The following GADL1 variants were observed in gnomAD, a reference collection of about 807,000 sequenced individuals.
GADL1 encodes acidic amino acid decarboxylase GADL1.
GADL1 carries 71 observed loss-of-function variants against 69.5 expected under a neutral mutation model. The observed-to-expected ratio is 1.02, with a 90% confidence interval of 0.84 to 1.25. The LOEUF (loss-of-function observed/expected upper bound fraction) is 1.25. Ranked by LOEUF, GADL1 falls within the 50% of genes most tolerant of loss-of-function variation. The pLI, the probability that GADL1 is intolerant of heterozygous loss-of-function variation, is 0.00. For synonymous variants in GADL1, 254 were observed against 214.4 expected, an observed-to-expected ratio of 1.18 and a Z score of -1.62; for missense variants, 737 against 631.8, an observed-to-expected ratio of 1.17 and a Z score of -1.79.
At chr3:30,828,110 A>C (rs1190571375) in intron 11 of GADL1, among the ~76,000 whole-genome samples, 1 of 151,902 alleles carries the variant, frequency 6.6e-6, no homozygotes, top group Non-Finnish European at 1.5e-5. Flanking sequence ...CTATGAAGAA[A>C]AGCAAGAGCT....
rs543911772 is a variant in GADL1, at chr3:30,863,559, CTT to C, written c.38-1796_38-1795del. Reference sequence around the variant, plus strand: ...ACAAGCTTTGATTCAATCACATTCTCTTTTTCTAATCAGTATGTTTCTCCACC... The same window carrying C: ...ACAAGCTTTGATTCAATCACATTCTCTTTCTAATCAGTATGTTTCTCCACC... On this transcript the variant is annotated intron_variant, in intron 1 of 14. Coordinates refer to ENST00000282538, the MANE Select transcript of GADL1 (RefSeq NM_207359.3). 1.1e-4 allele frequency among the ~76,000 whole-genome samples: 17 copies of C among 152,082 alleles called. No homozygotes were observed. In the East Asian group the frequency reaches 3.3e-3, roughly 30 times the overall value.
rs537552134 is a variant in GADL1, at chr3:30,746,349, C to G, written c.1393-17934G>C. Among the ~76,000 whole-genome samples the G allele has an allele frequency of 1.2e-4, 19 of 152,262 alleles. No individual in the cohort carries two copies. In the South Asian group the frequency reaches 3.9e-3, roughly 32 times the overall value. The stretch of plus-strand genomic sequence containing the variant: ...CTTTAAGGTACCACTCACTGCAGAC[C>G]TACTGAGCCTCCAGTCTCTAAGAAG... On this transcript the variant is annotated intron_variant, in intron 14 of 14. Transcript: ENST00000282538.
chr3:30,861,828 G>T, intron 1 of GADL1, 63 bp from the exon 2 acceptor site: 3 of 1,021,838 alleles, frequency 2.9e-6, no homozygotes, highest in Non-Finnish European at 2.8e-6. Context: ...AACAAAGCAC[G>T]GGACAAAATG....
intron 1 of GADL1, among the ~76,000 whole-genome samples, chr3:30,881,480 T>C (rs541019050): frequency 3.3e-5 from 5 of 151,710 alleles, no homozygotes; most frequent in Non-Finnish European, 7.4e-5. Context: ...CATCAAGTGG[T>C]GATTAAGGAT....
intron 14 of GADL1, among the ~76,000 whole-genome samples, chr3:30,760,033 C>G (rs1437656872): frequency 1.3e-5 from 2 of 152,200 alleles, no homozygotes; most frequent in Non-Finnish European, 2.9e-5. Flanking sequence ...CCTGCAGATT[C>G]ATGAGTGATA....
chr3:30,826,413 C>T (rs1697681961), intron 11 of GADL1, among the ~76,000 whole-genome samples: 1 of 151,850 alleles, frequency 6.6e-6, no homozygotes, highest in Non-Finnish European at 1.5e-5. Context: ...TGAGTGAATT[C>T]TTTACCTGGG....
chr3:30,829,580 T>G (rs1416905592), intron 11 of GADL1, among the ~76,000 whole-genome samples: 1 of 151,884 alleles, frequency 6.6e-6, no homozygotes, highest in Non-Finnish European at 1.5e-5. Context: ...CAACTATAAT[T>G]TTAATCATTG....
intron 3 of GADL1, among the ~76,000 whole-genome samples, chr3:30,855,642 G>A (rs571572690): frequency 6.6e-6 from 1 of 151,900 alleles, no homozygotes; most frequent in Non-Finnish European, 1.5e-5. Flanking sequence ...TCTCATAAAG[G>A]TTCTTGGCTT....
rs372407531 is a variant in GADL1 at position 30,728,256 on chromosome 3, C to G, written c.1552G>C (p.Gly518Arg). The G allele has an allele frequency of 3.1e-6, 5 of 1,613,544 alleles. No homozygotes were observed. The highest frequency in any genetic ancestry group is 4.2e-6 in the Non-Finnish European group (5 of 1,179,692). Residue 518 changes from glycine (G) to arginine (R), a missense_variant, in exon 15 of 15, where the codon GGT becomes CGT. Coordinates refer to ENST00000282538, the MANE Select transcript of GADL1 (RefSeq NM_207359.3). ...CAAAGCCACAGCTACATGTCTTTAC[C>G]CAGTAAGTCTATCTCATCCAGGAGG... ...DFLLDEIDLL[G>R]KDM
At chr3:30,794,464 A>G (rs1197430424) in intron 12 of GADL1, among the ~76,000 whole-genome samples, 1 of 152,174 alleles carries the variant, frequency 6.6e-6, no homozygotes, top group African/African-American at 2.4e-5. Context: ...GATATCAGAA[A>G]TGTACAGTCA....
At chr3:30,757,920 A>G (rs1304955080) in intron 14 of GADL1, among the ~76,000 whole-genome samples, 2 of 152,224 alleles carry the variant, frequency 1.3e-5, no homozygotes, top group Non-Finnish European at 2.9e-5. Flanking sequence ...CCCAGTACCA[A>G]TAAATGCAGA....
chr3:30,767,618 A>C (rs1696313935), intron 14 of GADL1, among the ~76,000 whole-genome samples: 1 of 152,214 alleles, frequency 6.6e-6, no homozygotes, highest in Non-Finnish European at 1.5e-5. Flanking sequence ...CAAAAAATTG[A>C]ATGACAGTAA....
At chr3:30,738,161 C>G (rs1695564565) in intron 14 of GADL1, among the ~76,000 whole-genome samples, 1 of 152,180 alleles carries the variant, frequency 6.6e-6, no homozygotes, top group African/African-American at 2.4e-5. Flanking sequence ...TGGGCCAACT[C>G]CCAAATGTCT....
chr3:30,875,081 T>A (rs1010842450), intron 1 of GADL1, among the ~76,000 whole-genome samples: 2 of 151,772 alleles, frequency 1.3e-5, no homozygotes, highest in Non-Finnish European at 2.9e-5. Flanking sequence ...CATAAAGTAA[T>A]ACCAGCTTTG....
chr3:30,730,098 A>T (rs1695433162), intron 14 of GADL1, among the ~76,000 whole-genome samples: 1 of 152,208 alleles, frequency 6.6e-6, no homozygotes, highest in South Asian at 2.1e-4. Flanking sequence ...GTAACTAAAC[A>T]ACAGCCTGCA....
At chr3:30,768,467 A>T (rs973655658) in intron 14 of GADL1, among the ~76,000 whole-genome samples, 2 of 150,522 alleles carry the variant, frequency 1.3e-5, no homozygotes, top group African/African-American at 4.9e-5. Flanking sequence ...CATTTATTTC[A>T]TTGAAGCCTT....
At chr3:30,858,157 C>T (rs1187599013) in intron 2 of GADL1, among the ~76,000 whole-genome samples, 2 of 152,088 alleles carry the variant, frequency 1.3e-5, no homozygotes, top group East Asian at 3.9e-4. Context: ...TGTCTTTTTG[C>T]TCACTGATCC....
chr3:30,774,441 A>C (rs544047001), intron 14 of GADL1, among the ~76,000 whole-genome samples: 1 of 152,320 alleles, frequency 6.6e-6, no homozygotes, highest in South Asian at 2.1e-4. Flanking sequence ...ATTTCTTCAG[A>C]GTATTCGCAA....
intron 11 of GADL1, among the ~76,000 whole-genome samples, chr3:30,819,117 G>C (rs1697525338): frequency 6.6e-6 from 1 of 151,898 alleles, no homozygotes; most frequent in Admixed American, 6.6e-5. Context: ...CCCACATTGA[G>C]TTTCACCTAG....
Sources: allele counts gnomAD v4.1 joint callset (sites outside exome capture counted in the v4.1 genomes callset), GRCh38; gene constraint gnomAD v4.1.1; transcripts MANE v1.5; gene names NCBI Gene and HGNC (gene_info 2026-07-23, HGNC 2026-07-21).